ARID1A: variants seen among roughly 807,000 people sequenced by gnomAD.
ARID1A encodes the protein AT-rich interaction domain 1A, also known as AT-rich interactive domain-containing protein 1A.
ARID1A carries 20 observed loss-of-function variants against 212.6 expected under a neutral mutation model. That is an observed-to-expected ratio of 0.09 (90% CI 0.07 to 0.14). The LOEUF (loss-of-function observed/expected upper bound fraction) is 0.14. Ranked by LOEUF, ARID1A falls within the 10% of genes least tolerant of loss-of-function variation. ARID1A has a pLI of 1.00. For missense variants in ARID1A, 2,587 were observed against 3,059.0 expected (o/e 0.85, Z 3.64); for synonymous variants, 1,376 against 1,222.1 (o/e 1.13, Z -2.63).
chr1:26,779,256 G>A lies in ARID1A; in HGVS notation c.5358G>A (p.Glu1786=), dbSNP rs889721759. 1 of 1,614,198 alleles carries A rather than the reference G, an allele frequency of 6.2e-7. No individual in the cohort carries two copies. Among genetic ancestry groups the A allele is most frequent in the Non-Finnish European group, 8.5e-7 (1 of 1,180,034 alleles). Residue 1786 remains glutamate (E), a synonymous_variant, in exon 20 of 20, where the codon GAG becomes GAA. Transcript: ENST00000324856. ...AAGAGGAAGTAGTTGAAAATGATGA[G>A]GAGATAGCCTTTTCAGGCAAGGACA... ...EEEEEVVEND[E]EIAFSGKDKP...
At position 26,775,217 on chromosome 1, in the gene ARID1A, A is replaced by G; in HGVS notation, c.4990A>G (p.Ile1664Val). 6.3e-7 allele frequency: 1 copy of G among 1,582,048 alleles called. No homozygotes were observed. The highest frequency in any genetic ancestry group is 1.1e-5 in the South Asian group (1 of 87,044). Residue 1664 changes from isoleucine to valine, a missense_variant, in exon 18 of 20, where the codon ATT becomes GTT. By Grantham distance (29) the Ile-to-Val change is conservative (BLOSUM62 3). This residue lies in a region of ARID1A where 890 missense variants were observed against 1,098.2 expected (regional missense o/e 0.81). Transcript: ENST00000324856. Reference sequence around the variant, plus strand: ...GAGGAGGCGGCTCACAATGAAAGACATTGGTAAGGAGATCTTCCTCATTCG... The same window carrying G: ...GAGGAGGCGGCTCACAATGAAAGACGTTGGTAAGGAGATCTTCCTCATTCG... ...KQRRRLTMKD[I>V]GTPEAWRVMM...
chr1:26,716,731 T>A (rs1270115510), intron 1 of ARID1A, among the ~76,000 whole-genome samples: 1 of 152,154 alleles, frequency 6.6e-6, no homozygotes, highest in African/African-American at 2.4e-5. Context: ...GTTCAAACCA[T>A]TCTCCTGCCT....
chr1:26,719,698 T>C (rs971072718), intron 1 of ARID1A, among the ~76,000 whole-genome samples: 7 of 151,802 alleles, frequency 4.6e-5, no homozygotes, highest in Non-Finnish European at 8.8e-5. Context: ...CCCAGCACTT[T>C]GGGAGGCTGA....
At chr1:26,707,715 C>T (rs2080406868) in intron 1 of ARID1A, among the ~76,000 whole-genome samples, 2 of 152,230 alleles carry the variant, frequency 1.3e-5, no homozygotes, top group East Asian at 3.9e-4. Flanking sequence ...ATGCTTAGTC[C>T]TCTTGATGAA....
At chr1:26,716,849 C>T (rs1023367046) in intron 1 of ARID1A, among the ~76,000 whole-genome samples, 2 of 152,158 alleles carry the variant, frequency 1.3e-5, no homozygotes, top group Admixed American at 1.3e-4. Context: ...TGGTCTTGAA[C>T]TCCTGATCTC....
At chr1:26,767,686 A>G (rs1382951925) in intron 10 of ARID1A, 104 bp from the exon 11 acceptor site, 1 of 1,180,448 alleles carries the variant, frequency 8.5e-7, no homozygotes, top group Non-Finnish European at 1.2e-6. Context: ...TAACCACCCC[A>G]GAGTAAGAAG....
chr1:26,739,396 C>T (rs1384471626), intron 4 of ARID1A, among the ~76,000 whole-genome samples: 2 of 152,096 alleles, frequency 1.3e-5, no homozygotes, highest in African/African-American at 2.4e-5. Flanking sequence ...TAGGTGTGGG[C>T]TGGGACCTAA....
chr1:26,757,864 T>A (rs2124043574), intron 4 of ARID1A, among the ~76,000 whole-genome samples: 1 of 152,172 alleles, frequency 6.6e-6, no homozygotes, highest in East Asian at 1.9e-4. Context: ...GGTCTTGAAC[T>A]CCTGACCTCG....
intron 4 of ARID1A, among the ~76,000 whole-genome samples, chr1:26,757,998 C>T (rs923132515): frequency 2.0e-5 from 3 of 152,180 alleles, no homozygotes; most frequent in Non-Finnish European, 2.9e-5. Flanking sequence ...GGATGGATCC[C>T]TGATTCCTAT....
At chr1:26,709,337 C>T (rs1366660869) in intron 1 of ARID1A, among the ~76,000 whole-genome samples, 2 of 152,142 alleles carry the variant, frequency 1.3e-5, no homozygotes, top group Non-Finnish European at 2.9e-5. Context: ...CCACTATTCC[C>T]ACCTTCCTCC....
intron 4 of ARID1A, among the ~76,000 whole-genome samples, chr1:26,740,046 C>G (rs1423931165): frequency 2.0e-5 from 3 of 150,024 alleles, no homozygotes; most frequent in Non-Finnish European, 4.4e-5. Context: ...GCTTTAAAAC[C>G]TGGCTACGTG....
chr1:26,778,935 G>A (rs2081163058), intron 19 of ARID1A, 88 bp from the exon 20 acceptor site: 1 of 1,318,074 alleles, frequency 7.6e-7, no homozygotes, highest in African/African-American at 1.5e-5. Flanking sequence ...AACTGATACA[G>A]AAGACTTGGG....
chr1:26,738,609 A>T (rs374375955), intron 4 of ARID1A, among the ~76,000 whole-genome samples: 3 of 152,100 alleles, frequency 2.0e-5, no homozygotes, highest in East Asian at 3.9e-4. Context: ...CCCAGGCTGG[A>T]GTGCAGTGGC....
chr1:26,745,377 A>C (rs1002227887), intron 4 of ARID1A, among the ~76,000 whole-genome samples: 2 of 152,218 alleles, frequency 1.3e-5, no homozygotes, highest in Non-Finnish European at 2.9e-5. Context: ...CAAGTAAAGG[A>C]GACAGAAATA....
intron 1 of ARID1A, among the ~76,000 whole-genome samples, chr1:26,703,212 C>G (rs1005153460): frequency 2.0e-5 from 3 of 152,166 alleles, no homozygotes; most frequent in African/African-American, 7.2e-5. Context: ...CTACATCTTA[C>G]TTGAAGGATT....
At chr1:26,711,009 G>T in intron 1 of ARID1A, among the ~76,000 whole-genome samples, 1 of 152,046 alleles carries the variant, frequency 6.6e-6, no homozygotes, top group East Asian at 1.9e-4. Context: ...GGCAGATCGG[G>T]TTCTTGGTGA....
intron 1 of ARID1A, 132 bp downstream of exon 1, chr1:26,697,672 G>A: frequency 1.1e-6 from 1 of 921,636 alleles, no homozygotes; most frequent in Non-Finnish European, 1.4e-6. Flanking sequence ...GCCATTGTCT[G>A]GCTCTTCTCT....
intron 1 of ARID1A, among the ~76,000 whole-genome samples, chr1:26,707,743 C>T (rs2080407082): frequency 6.6e-6 from 1 of 152,048 alleles, no homozygotes; most frequent in South Asian, 2.1e-4. Flanking sequence ...ATTTAATCTT[C>T]AAAACTGTAT....
chr1:26,701,646 A>G (rs1258461353), intron 1 of ARID1A, among the ~76,000 whole-genome samples: 1 of 152,224 alleles, frequency 6.6e-6, no homozygotes, highest in Non-Finnish European at 1.5e-5. Flanking sequence ...GATGCTACAT[A>G]TCTGTGCTTC....
Sources: gnomAD v4.1 joint callset for allele counts (sites outside exome capture counted in the v4.1 genomes callset) on GRCh38, gnomAD v4.1.1 for gene constraint, gnomAD v4.1.1 regional missense constraint, MANE v1.5 for transcripts, NCBI Gene and HGNC (gene_info 2026-07-23, HGNC 2026-07-21) for gene names.